Variants in SYNE1 observed in about 807,000 individuals in gnomAD.
SYNE1 encodes the protein spectrin repeat containing nuclear envelope protein 1.
Under a neutral mutation model 1,111.0 loss-of-function variants are expected in SYNE1, and 616 were observed. The ratio of observed to expected loss-of-function variants is 0.55; its 90% CI spans 0.52 to 0.59. The LOEUF is 0.59. Ranked by LOEUF, SYNE1 falls within the 20% of genes least tolerant of loss-of-function variation. The probability of loss-of-function intolerance (pLI) is 0.00; values close to 1 mark genes in which losing one functional copy is unlikely to be tolerated. For missense variants in SYNE1, 10,006 were observed against 10,417.0 expected (o/e 0.96, Z 1.72); for synonymous variants, 3,855 against 3,825.8 (o/e 1.01, Z -0.28).
chr6:152,238,588 GA>G (rs1448751310), intron 108 of SYNE1, among the ~76,000 whole-genome samples: 1 of 152,104 alleles, frequency 6.6e-6, no homozygotes, highest in Admixed American at 6.5e-5. Context: ...ATCCCATTTA[GA>G]AAAAATGCAA....
At chr6:152,504,922 A>G (rs2099049620) in intron 9 of SYNE1, among the ~76,000 whole-genome samples, 1 of 152,182 alleles carries the variant, frequency 6.6e-6, no homozygotes, top group Non-Finnish European at 1.5e-5. Flanking sequence ...ACACACTTCT[A>G]AAACTTTCAT....
In SYNE1 at chr6:152,330,726, A is replaced by G. The variant is rs1397733855; in HGVS notation, c.13959T>C (p.Asn4653=). ...TGTCTTTAGCCAAGGCAACAATTAC[A>G]TTAAATTGTCGAGGCAAAGCATTTA... ...EKLNALPRQF[N]VIVALAKDKF... is the part of the protein sequence containing the mutation. Residue 4653 remains asparagine (N), a synonymous_variant, in exon 78 of 146, where the codon AAT becomes AAC. Coordinates refer to ENST00000367255, the MANE Select transcript of SYNE1 (RefSeq NM_182961.4). The G allele has an allele frequency of 1.2e-6, 2 of 1,613,938 alleles. No homozygotes were observed. Among genetic ancestry groups the G allele is most frequent in the Admixed American group, 1.7e-5 (1 of 60,008 alleles).
rs746317986 is a variant in SYNE1, at chr6:152,433,774, TATA to T, written c.4461+18_4461+20del. ...TTAAAAGCTAGACATGGATTATAAATATAATGTGTGAGCAGGTCACCTTAATTT... is the reference window on the plus strand; with the variant it reads ...TTAAAAGCTAGACATGGATTATAAATATGTGTGAGCAGGTCACCTTAATTT... On this transcript the variant is annotated intron_variant, in intron 34 of 145. Transcript: ENST00000367255. The T allele has an allele frequency of 6.2e-7, 1 of 1,613,492 alleles. No individual in the cohort carries two copies. Among genetic ancestry groups the T allele is most frequent in the Admixed American group, 1.7e-5 (1 of 59,982 alleles).
At chr6:152,370,691 G>C (rs1258870264) in intron 59 of SYNE1, among the ~76,000 whole-genome samples, 5 of 152,176 alleles carry the variant, frequency 3.3e-5, no homozygotes, top group Admixed American at 6.5e-5. Context: ...TACCCTGTGA[G>C]TCAACTAAAG....
chr6:152,425,419 A>C lies in SYNE1; in HGVS notation c.5229T>G (p.Asp1743Glu). Residue 1743 changes from aspartate (D) to glutamate (E), a missense_variant, in exon 39 of 146, where the codon GAT (aspartate) becomes GAG (glutamate). Asp to Glu is a conservative substitution (Grantham distance 45, BLOSUM62 2). Coordinates refer to ENST00000367255, the MANE Select transcript of SYNE1 (RefSeq NM_182961.4). The stretch of plus-strand genomic sequence containing the variant: ...TCTGTGGTAAATCTCTCCATCTCTC[A>C]TCCAACTGCTCCAAATGTAGTTTCA... ...KMMKLHLEQL[D>E]ERWRDLPQII... 1 of 1,614,184 alleles carries C rather than the reference A, an allele frequency of 6.2e-7. No individual in the cohort carries two copies. Among genetic ancestry groups the C allele is most frequent in the Non-Finnish European group, 8.5e-7 (1 of 1,180,012 alleles).
chr6:152,596,866 G>A (rs999800958), intron 3 of SYNE1, among the ~76,000 whole-genome samples: 1 of 152,176 alleles, frequency 6.6e-6, no homozygotes, highest in Admixed American at 6.5e-5. Flanking sequence ...AGAGCAGTTG[G>A]TTTATTTCAC....
intron 95 of SYNE1, among the ~76,000 whole-genome samples, chr6:152,289,882 T>C (rs2094509802): frequency 6.7e-6 from 1 of 150,360 alleles, no homozygotes; most frequent in Non-Finnish European, 1.5e-5. Flanking sequence ...CGCCTTGGCC[T>C]CCCAAAGTGC....
At position 152,425,472 on chromosome 6, in the gene SYNE1, C is replaced by T. The variant is rs1182806377; in HGVS notation, c.5176G>A (p.Val1726Ile). The T allele has an allele frequency of 1.2e-6, 2 of 1,614,190 alleles. No individual in the cohort carries two copies. Among genetic ancestry groups the T allele is most frequent in the East Asian group, 2.2e-5 (1 of 44,874 alleles). Residue 1726 changes from valine to isoleucine, a missense_variant, in exon 39 of 146, where the codon GTA becomes ATA. Around this residue, in one of 7 missense-constraint regions of SYNE1, gnomAD observed 1,971 missense variants for 2,084.1 expected, o/e 0.95. Coordinates refer to ENST00000367255, the MANE Select transcript of SYNE1 (RefSeq NM_182961.4). ...LLQLKESLFSVASKDDVKMMK... is the reference protein window; with the variant it reads ...LLQLKESLFSIASKDDVKMMK... Reference sequence around the variant, plus strand: ...ATTTTCACATCATCTTTGGAGGCTACTGAGAACAATGATTCCTTCAATTGC... The same window carrying T: ...ATTTTCACATCATCTTTGGAGGCTATTGAGAACAATGATTCCTTCAATTGC...
In SYNE1 at chr6:152,309,873, G is replaced by C; in HGVS notation, c.17164C>G (p.Leu5722Val). The change falls in exon 90 of 146, where the codon CTG (leucine) becomes GTG (valine). Residue 5722 changes from leucine to valine, a missense_variant. Around this residue, in one of 7 missense-constraint regions of SYNE1, gnomAD observed 4,955 missense variants for 5,017.2 expected, o/e 0.99. Coordinates refer to ENST00000367255, the MANE Select transcript of SYNE1 (RefSeq NM_182961.4). ...ALRLQEEASR[L>V]QHTAIQQCNI... ...CACTGCTGGATGGCGGTGTGCTGCA[G>C]CCGGCTGGCCTCTTCCTGCAGCCGC... 1 of 1,614,044 alleles carries C rather than the reference G, an allele frequency of 6.2e-7. No individual in the cohort carries two copies. The highest frequency in any genetic ancestry group is 1.7e-5 in the Admixed American group (1 of 60,018).
At position 152,413,055 on chromosome 6, in the gene SYNE1, T is replaced by C. The variant is rs899568083; in HGVS notation, c.6230+297A>G. Among the ~76,000 whole-genome samples, 7 of 152,126 alleles carry C rather than the reference T, an allele frequency of 4.6e-5. No individual in the cohort carries two copies. The South Asian group carries it at 1.2e-3, about 27-fold the overall frequency. The stretch of plus-strand genomic sequence containing the variant: ...TTAGTAGAGATGGGATTTCACTATT[T>C]GGCCAGGATGGTCTTGAACTCCTGA... On this transcript the variant is annotated intron_variant, in intron 42 of 145. Transcript: ENST00000367255.
intron 131 of SYNE1, among the ~76,000 whole-genome samples, chr6:152,157,419 TG>T (rs1563094488): frequency 6.6e-6 from 1 of 152,142 alleles, no homozygotes; most frequent in African/African-American, 2.4e-5. Context: ...TAGCAGAGGC[TG>T]GGAAGAGTGT....
rs1386529997 is a variant in SYNE1, at chr6:152,518,994, G to A, written c.309+1465C>T. Among the ~76,000 whole-genome samples the A allele has an allele frequency of 2.0e-5, 3 of 151,024 alleles. No individual in the cohort carries two copies. The East Asian group carries it at 5.9e-4, about 30-fold the overall frequency. ...ACCCACCCGGGACTGTTGTAGGGTG[G>A]GGGGAGGGGGGAGGGATAGCATTAG... On this transcript the variant is annotated intron_variant, in intron 6 of 145. Transcript: ENST00000367255.
At chr6:152,473,833 C>A (rs1055279718) in intron 14 of SYNE1, among the ~76,000 whole-genome samples, 3 of 152,146 alleles carry the variant, frequency 2.0e-5, no homozygotes, top group Non-Finnish European at 4.4e-5. Flanking sequence ...TAAGTATCTA[C>A]TATATTGAAA....
rs116201306 is a variant in SYNE1 at position 152,145,681 on chromosome 6, G to A, written c.24977-1916C>T. ...TATTCTAGACACATAGCTCCTGAGC[G>A]CACAGAGGAGCGTGCAGGCTCACCA... On this transcript the variant is annotated intron_variant, in intron 137 of 145. Transcript: ENST00000367255. 3.6e-3 allele frequency: 2,907 copies of A among 808,804 alleles called. 46 individuals carry two copies. The African/African-American group carries it at 0.037, about 10-fold the overall frequency. 50.1% of individuals were successfully genotyped at this position (808,804 alleles called of 1,614,324 possible). A position where few individuals can be genotyped will look rare whatever the true frequency, so the allele number is the denominator to read the frequency against.
intron 95 of SYNE1, among the ~76,000 whole-genome samples, chr6:152,289,925 C>CTTT (rs71017532): frequency 0.012 from 1,528 of 129,924 alleles, 13 homozygotes; most frequent in Non-Finnish European, 0.017. Flanking sequence ...CGCGCCCAGC[C>CTTT]TTTTTTTTTT....
intron 137 of SYNE1, chr6:152,147,500 T>G (rs1328757777): frequency 6.5e-6 from 1 of 153,210 alleles, no homozygotes; most frequent in Non-Finnish European, 1.5e-5. Flanking sequence ...CTTTGTCCAT[T>G]CCATGCCTGT....
At chr6:152,294,280 GA>G (rs1475938101) in intron 93 of SYNE1, among the ~76,000 whole-genome samples, 153 bp from the exon 94 acceptor site, 10 of 152,124 alleles carry the variant, frequency 6.6e-5, no homozygotes, top group African/African-American at 1.4e-4. Context: ...CTTGTGACAA[GA>G]AAAATGTAAA....
At position 152,381,285 on chromosome 6, in the gene SYNE1, G is replaced by A. The variant is rs1591551475; in HGVS notation, c.8730C>T (p.Asn2910=). The A allele has an allele frequency of 6.2e-7, 1 of 1,614,214 alleles. No homozygotes were observed. ...TGAGCTCACACCCACTGGCAGTTGT[G>A]TTCTGTTTCACTTCGGGAGCCAGCG... ...VESLAPEVKQ[N]TTASGCELMH... The change falls in exon 56 of 146, where the codon AAC becomes AAT. Residue 2910 remains asparagine, a synonymous_variant. Coordinates refer to ENST00000367255, the MANE Select transcript of SYNE1 (RefSeq NM_182961.4).
intron 127 of SYNE1, among the ~76,000 whole-genome samples, chr6:152,197,303 G>A (rs1398656459): frequency 6.6e-6 from 1 of 152,190 alleles, no homozygotes; most frequent in Non-Finnish European, 1.5e-5. Flanking sequence ...TGGTGTTCCT[G>A]CAGGGAGAAC....
Sources: allele counts gnomAD v4.1 joint callset (sites outside exome capture counted in the v4.1 genomes callset), GRCh38; gene constraint gnomAD v4.1.1; regional missense constraint gnomAD v4.1.1; transcripts MANE v1.5; gene names NCBI Gene and HGNC (gene_info 2026-07-23, HGNC 2026-07-21).